PPP1R37: variants seen among roughly 807,000 people sequenced by gnomAD.
PPP1R37 encodes protein phosphatase 1 regulatory subunit 37, also known as leucine rich repeat containing 68.
PPP1R37 carries 21 observed loss-of-function variants against 61.0 expected under a neutral mutation model. That is an observed-to-expected ratio of 0.34 (90% confidence interval 0.24 to 0.50). The LOEUF (loss-of-function observed/expected upper bound fraction) is 0.50, where lower values mean the gene tolerates loss of function less well. Ranked by LOEUF, PPP1R37 falls within the 20% of genes least tolerant of loss-of-function variation. The pLI is 0.98. For synonymous variants in PPP1R37, 443 were observed against 433.5 expected, an observed-to-expected ratio of 1.02 and a Z score of -0.27; for missense variants, 910 against 952.7, an observed-to-expected ratio of 0.96 and a Z score of 0.59.
intron 1 of PPP1R37, among the ~76,000 whole-genome samples, chr19:45,101,496 T>C (rs1244377093): frequency 2.6e-5 from 4 of 152,086 alleles, no homozygotes; most frequent in African/African-American, 9.7e-5. Flanking sequence ...GGCGGGAAGA[T>C]CACTTAAGCC....
At chr19:45,103,957 C>T (rs1431808347) in intron 1 of PPP1R37, among the ~76,000 whole-genome samples, 2 of 152,118 alleles carry the variant, frequency 1.3e-5, no homozygotes, top group Admixed American at 1.3e-4. Flanking sequence ...CACCCGTGGG[C>T]CTGGTGTGGG....
chr19:45,108,727 C>G (rs1337191229), intron 1 of PPP1R37: 1 of 151,010 alleles, frequency 6.6e-6, no homozygotes, highest in South Asian at 2.1e-4. Context: ...TCACAACTTC[C>G]GCCTCCCAGG....
chr19:45,145,368 G>A lies in PPP1R37; in HGVS notation c.1312G>A (p.Glu438Lys). 1 of 1,535,038 alleles carries A rather than the reference G, an allele frequency of 6.5e-7. No homozygotes were observed. Among genetic ancestry groups the A allele is most frequent in the Non-Finnish European group, 8.7e-7 (1 of 1,146,400 alleles). Residue 438 changes from glutamate (E) to lysine (K), a missense_variant, in exon 11 of 13, where the codon GAG (glutamate) becomes AAG (lysine). Transcript: ENST00000221462. ...CCCGCCACAGGTGAAGAGCTTCATC[G>A]AGACGCAGAAGGCGCTGCTGGCCGA... ...PKKEAVKSFI[E>K]TQKALLAEIQ...
At chr19:45,109,738 C>T (rs1968176882) in intron 1 of PPP1R37, among the ~76,000 whole-genome samples, 1 of 152,192 alleles carries the variant, frequency 6.6e-6, no homozygotes, top group African/African-American at 2.4e-5. Flanking sequence ...ACAGCCATGG[C>T]CACCACGTCA....
intron 4 of PPP1R37, 132 bp downstream of exon 4, chr19:45,140,738 C>T: frequency 1.5e-6 from 1 of 662,740 alleles, no homozygotes; most frequent in East Asian, 2.7e-5. Flanking sequence ...AGGGCGGGGC[C>T]TCTTGCAGGG....
At chr19:45,136,865 C>T (rs1167561074) in intron 1 of PPP1R37, 1 of 152,358 alleles carries the variant, frequency 6.6e-6, no homozygotes, top group South Asian at 2.1e-4. Flanking sequence ...ATACTTTACC[C>T]AGACCTCAGC....
rs28683101 is a variant in PPP1R37 at position 45,146,995 on chromosome 19, A to G, written c.*433A>G. The G allele has an allele frequency of 0.69, 110,298 of 159,486 alleles. 39,599 individuals carry two copies. The highest frequency in any genetic ancestry group is 0.85 in the African/African-American group (35,355 of 41,542). 9.9% of individuals were successfully genotyped at this position (159,486 alleles called of 1,614,324 possible). A position where few individuals can be genotyped will look rare whatever the true frequency, so the allele number is the denominator to read the frequency against. On this transcript the variant is annotated 3_prime_UTR_variant, in exon 13 of 13. Transcript: ENST00000221462. The stretch of plus-strand genomic sequence containing the variant: ...TGCGTGCTGGTGGTGGTTGAGATGC[A>G]CAGAACAGCCCCAGACAGCGCAGGC...
intron 1 of PPP1R37, among the ~76,000 whole-genome samples, chr19:45,134,831 G>A (rs1007482055): frequency 3.9e-5 from 6 of 152,160 alleles, no homozygotes; most frequent in Admixed American, 2.6e-4. Flanking sequence ...CTGCAAGGCC[G>A]GACCTGGTTC....
At position 45,126,412 on chromosome 19, in the gene PPP1R37, T is replaced by C. The variant is rs532306857; in HGVS notation, c.203-12102T>C. Among the ~76,000 whole-genome samples, 13 of 152,270 alleles carry C rather than the reference T, an allele frequency of 8.5e-5. No individual in the cohort carries two copies. The South Asian group carries it at 2.3e-3, about 27-fold the overall frequency. ...CAGCAGGGAGGCCCAGGGCAGTCAC[T>C]GCTCTGTGCTGTTGGCGACGGAGCA... On this transcript the variant is annotated intron_variant, in intron 1 of 12. Coordinates refer to ENST00000221462, the MANE Select transcript of PPP1R37 (RefSeq NM_019121.2).
At chr19:45,107,984 TC>T (rs1334748972) in intron 1 of PPP1R37, among the ~76,000 whole-genome samples, 1 of 152,214 alleles carries the variant, frequency 6.6e-6, no homozygotes, top group Non-Finnish European at 1.5e-5. Context: ...GTGATGTTCG[TC>T]CTTGTCCATA....
rs1360058248 is a variant in PPP1R37 at position 45,146,588 on chromosome 19, G to C, written c.*26G>C. The C allele has an allele frequency of 5.1e-5, 40 of 781,824 alleles. No individual in the cohort carries two copies. Among genetic ancestry groups the C allele is most frequent in the Non-Finnish European group, 7.0e-5 (34 of 486,230 alleles). 48.4% of individuals were successfully genotyped at this position (781,824 alleles called of 1,614,324 possible). A position where few individuals can be genotyped will look rare whatever the true frequency, so the allele number is the denominator to read the frequency against. On this transcript the variant is annotated 3_prime_UTR_variant, in exon 13 of 13. Transcript: ENST00000221462. ...TCCCCAAGTTCCCTTTTTCCGGTCG[G>C]TCTGCGATGAGCTGAGGCCAGAGCC...
rs571428605 is a variant in PPP1R37, at chr19:45,134,491, T to A, written c.203-4023T>A. ...CTTATTAATAGATTGGTTTCTTTTT[T>A]ATTTGAATACATTTGGCCTCATTTC... On this transcript the variant is annotated intron_variant, in intron 1 of 12. Coordinates refer to ENST00000221462, the MANE Select transcript of PPP1R37 (RefSeq NM_019121.2). Among the ~76,000 whole-genome samples the A allele has an allele frequency of 3.3e-5, 5 of 152,306 alleles. No homozygotes were observed. In the East Asian group the frequency reaches 9.6e-4, roughly 29 times the overall value.
rs116016056 is a variant in PPP1R37, at chr19:45,104,635, A to C, written c.202+11108A>C. Among the ~76,000 whole-genome samples the C allele has an allele frequency of 6.9e-3, 1,051 of 151,810 alleles. 7 individuals are homozygous for C. The highest frequency in any genetic ancestry group is 0.023 in the African/African-American group (964 of 41,416). ...CCACCTAGCAGCCACAGCATTCTTGAAAAAGCAGACTTTGCTATTCCTGTT... is the reference window on the plus strand; with the variant it reads ...CCACCTAGCAGCCACAGCATTCTTGCAAAAGCAGACTTTGCTATTCCTGTT... On this transcript the variant is annotated intron_variant, in intron 1 of 12. Coordinates refer to ENST00000221462, the MANE Select transcript of PPP1R37 (RefSeq NM_019121.2).
chr19:45,143,349 G>A, intron 7 of PPP1R37, 172 bp from the exon 8 acceptor site: 1 of 557,074 alleles, frequency 1.8e-6, no homozygotes, highest in South Asian at 2.1e-5. Flanking sequence ...AGGCCCAGGG[G>A]TCACAGATGT....
chr19:45,111,258 A>T (rs1010916059), intron 1 of PPP1R37, among the ~76,000 whole-genome samples: 58 of 149,320 alleles, frequency 3.9e-4, no homozygotes, highest in Non-Finnish European at 7.6e-4. Flanking sequence ...TCTGCTTTTT[A>T]ATTATTATTA....
chr19:45,112,856 T>C (rs566660116), intron 1 of PPP1R37, among the ~76,000 whole-genome samples: 1 of 152,338 alleles, frequency 6.6e-6, no homozygotes. Context: ...AAGCAGGTAC[T>C]GTTGAGCTTG....
intron 1 of PPP1R37, among the ~76,000 whole-genome samples, chr19:45,097,133 G>A (rs1030298983): frequency 2.6e-5 from 4 of 152,008 alleles, no homozygotes; most frequent in African/African-American, 9.7e-5. Context: ...AGGCCCAAGT[G>A]AGAGGCCCAG....
At chr19:45,128,350 T>C (rs1173764618) in intron 1 of PPP1R37, among the ~76,000 whole-genome samples, 1 of 152,238 alleles carries the variant, frequency 6.6e-6, no homozygotes, top group Non-Finnish European at 1.5e-5. Context: ...TATCTATTAC[T>C]CTTTTCATGC....
intron 4 of PPP1R37, 27 bp downstream of exon 4, chr19:45,140,633 G>A (rs1300675011): frequency 7.3e-6 from 11 of 1,501,056 alleles, no homozygotes; most frequent in African/African-American, 2.8e-5. Context: ...CCGCCCACTT[G>A]GCTCCCTGAG....
Sources: gnomAD v4.1 joint callset for allele counts (sites outside exome capture counted in the v4.1 genomes callset) on GRCh38, gnomAD v4.1.1 for gene constraint, MANE v1.5 for transcripts, NCBI Gene and HGNC (gene_info 2026-07-23, HGNC 2026-07-21) for gene names.